PTPRM: variants seen among roughly 807,000 people sequenced by gnomAD.
The protein encoded by PTPRM is protein tyrosine phosphatase receptor type M.
Under a neutral mutation model 186.7 loss-of-function variants are expected in PTPRM, and 47 were observed. The observed-to-expected ratio is 0.25, with a 90% CI of 0.20 to 0.32. The LOEUF (loss-of-function observed/expected upper bound fraction) is 0.32. PTPRM is among the 10% of genes least tolerant of loss of function. PTPRM has a pLI of 1.00. For missense variants in PTPRM, 1,494 were observed against 1,865.0 expected (o/e 0.80, Z 3.66); for synonymous variants, 668 against 674.9 (o/e 0.99, Z 0.16).
At chr18:8,390,769 C>A (rs7244346) in intron 31 of PTPRM, among the ~76,000 whole-genome samples, 10,736 of 151,596 alleles carry the variant, frequency 0.071, 428 homozygotes, top group East Asian at 0.12. Flanking sequence ...TCTACTGAAA[C>A]TACAAAAAAT....
intron 7 of PTPRM, among the ~76,000 whole-genome samples, chr18:8,009,849 T>A (rs1314902217): frequency 6.6e-6 from 1 of 152,226 alleles, no homozygotes; most frequent in Non-Finnish European, 1.5e-5. Context: ...TTTGCTATAA[T>A]GAATGAAAGA....
At chr18:8,081,942 C>A (rs1230752746) in intron 9 of PTPRM, among the ~76,000 whole-genome samples, 1 of 152,140 alleles carries the variant, frequency 6.6e-6, no homozygotes, top group Non-Finnish European at 1.5e-5. Flanking sequence ...TGGAAGCCAG[C>A]TAAGAACCCC....
At chr18:7,959,145 C>T (rs1035221494) in intron 7 of PTPRM, among the ~76,000 whole-genome samples, 5 of 152,132 alleles carry the variant, frequency 3.3e-5, no homozygotes, top group Non-Finnish European at 5.9e-5. Context: ...ATATCAGTTG[C>T]CTAGAACAAA....
chr18:7,690,714 A>G (rs1337289494), intron 1 of PTPRM, among the ~76,000 whole-genome samples: 2 of 152,224 alleles, frequency 1.3e-5, no homozygotes, highest in African/African-American at 2.4e-5. Context: ...TGCAAGTGAT[A>G]TAGTTCAGTA....
intron 9 of PTPRM, among the ~76,000 whole-genome samples, chr18:8,083,544 T>A (rs2090264653): frequency 6.6e-6 from 1 of 152,150 alleles, no homozygotes; most frequent in Non-Finnish European, 1.5e-5. Flanking sequence ...CAGTTCTCCT[T>A]ATTTTAGCAC....
At chr18:8,213,203 G>A (rs1821639152) in intron 14 of PTPRM, among the ~76,000 whole-genome samples, 3 of 152,176 alleles carry the variant, frequency 2.0e-5, no homozygotes, top group Admixed American at 6.5e-5. Flanking sequence ...GGCCACTTAC[G>A]CTAAGTATAT....
chr18:7,859,834 T>G (rs2047273622), intron 2 of PTPRM, among the ~76,000 whole-genome samples: 1 of 152,008 alleles, frequency 6.6e-6, no homozygotes, highest in Non-Finnish European at 1.5e-5. Context: ...CGTGGCCAGG[T>G]CAGTAACCAA....
intron 22 of PTPRM, among the ~76,000 whole-genome samples, chr18:8,331,023 C>T (rs1408436101): frequency 1.3e-5 from 2 of 152,136 alleles, no homozygotes; most frequent in Non-Finnish European, 2.9e-5. Context: ...CTCTTTGGTG[C>T]CCTAATCCAT....
Position 8,406,047 on chromosome 18 carries a change from T to C in PTPRM, c.4345-62T>C. ...CATTAAGACCCTACTCTATGGTAAT[T>C]GCTTTACTAGGAACAGCGTTGAGAT... is the stretch of plus-strand genomic sequence containing the variant. On this transcript the variant is annotated intron_variant, in intron 32 of 32. Coordinates refer to ENST00000580170, the MANE Select transcript of PTPRM (RefSeq NM_001105244.2). 2.1e-6 allele frequency: 3 copies of C among 1,442,772 alleles called. No homozygotes were observed. The South Asian group carries it at 3.4e-5, about 16-fold the overall frequency. The allele number at this position is 1,442,772 out of a possible 1,614,324, so 89.4% of individuals were successfully genotyped here.
chr18:7,873,451 G>A (rs564760985), intron 2 of PTPRM, among the ~76,000 whole-genome samples: 1 of 152,132 alleles, frequency 6.6e-6, no homozygotes, highest in Non-Finnish European at 1.5e-5. Context: ...CCTTAGGGAA[G>A]TTTTTTTAAA....
intron 7 of PTPRM, among the ~76,000 whole-genome samples, chr18:8,047,825 G>A (rs1164227670): frequency 1.3e-5 from 2 of 152,188 alleles, no homozygotes. Context: ...GATCAAGGAT[G>A]TCTGGAACTT....
At chr18:7,829,688 A>G (rs1370941444) in intron 2 of PTPRM, among the ~76,000 whole-genome samples, 1 of 151,522 alleles carries the variant, frequency 6.6e-6, no homozygotes, top group Non-Finnish European at 1.5e-5. Context: ...ATGAAATGGA[A>G]TTCTTTCATT....
At chr18:7,792,993 A>T (rs1172771141) in intron 2 of PTPRM, among the ~76,000 whole-genome samples, 1 of 152,200 alleles carries the variant, frequency 6.6e-6, no homozygotes, top group Non-Finnish European at 1.5e-5. Context: ...AGTTACCTAC[A>T]TAGATGGCCC....
chr18:8,166,070 T>A (rs1345426546), intron 14 of PTPRM, among the ~76,000 whole-genome samples: 2 of 152,186 alleles, frequency 1.3e-5, no homozygotes, highest in Admixed American at 1.3e-4. Context: ...ATCATGTTTG[T>A]CTCTCCCATT....
chr18:7,897,482 T>C (rs1277827171), intron 3 of PTPRM, among the ~76,000 whole-genome samples: 1 of 152,176 alleles, frequency 6.6e-6, no homozygotes, highest in African/African-American at 2.4e-5. Flanking sequence ...GCCGCAATAC[T>C]CTGCATTTTG....
chr18:8,004,196 C>G (rs1467111271), intron 7 of PTPRM, among the ~76,000 whole-genome samples: 1 of 152,056 alleles, frequency 6.6e-6, no homozygotes, highest in Non-Finnish European at 1.5e-5. Flanking sequence ...TTTTGAAAAC[C>G]AAACTGAAAG....
At chr18:7,925,703 G>A (rs753086252) in intron 4 of PTPRM, among the ~76,000 whole-genome samples, 6 of 152,054 alleles carry the variant, frequency 3.9e-5, no homozygotes, top group Non-Finnish European at 5.9e-5. Context: ...ACTCTGCTGT[G>A]CCCACCCTTC....
At chr18:8,266,294 C>T (rs8094629) in intron 19 of PTPRM, among the ~76,000 whole-genome samples, 2,841 of 150,410 alleles carry the variant, frequency 0.019, 86 homozygotes, top group African/African-American at 0.066. Context: ...TGGGCAACCC[C>T]GCTTGGGTCC....
intron 23 of PTPRM, among the ~76,000 whole-genome samples, chr18:8,356,825 G>A (rs1485732625): frequency 6.6e-6 from 1 of 152,126 alleles, no homozygotes; most frequent in Non-Finnish European, 1.5e-5. Flanking sequence ...GGTGTTGTGA[G>A]CGTTTCTAGG....
Sources: gnomAD v4.1 joint callset for allele counts (sites outside exome capture counted in the v4.1 genomes callset) on GRCh38, gnomAD v4.1.1 for gene constraint, MANE v1.5 for transcripts, NCBI Gene and HGNC (gene_info 2026-07-23, HGNC 2026-07-21) for gene names.